The following CNTN5 variants were observed in gnomAD, a reference collection of about 807,000 sequenced individuals.
CNTN5 encodes the protein contactin-5.
Under a neutral mutation model 129.1 loss-of-function variants are expected in CNTN5, and 77 were observed. The ratio of observed to expected loss-of-function variants is 0.60; its 90% CI spans 0.50 to 0.72. CNTN5 has a LOEUF of 0.72. CNTN5 is among the 30% of genes least tolerant of loss of function. CNTN5 has a pLI of 0.00. For synonymous variants in CNTN5, 509 were observed against 465.6 expected, an observed-to-expected ratio of 1.09 and a Z score of -1.20; for missense variants, 1,478 against 1,328.8, an observed-to-expected ratio of 1.11 and a Z score of -1.75.
At chr11:100,333,718 AATTGGCTAGCCAC>A (rs1484104266) in intron 21 of CNTN5, among the ~76,000 whole-genome samples, 1 of 152,196 alleles carries the variant, frequency 6.6e-6, no homozygotes, top group Non-Finnish European at 1.5e-5. Context: ...GTGCTGGGAT[AATTGGCTAGCCAC>A]ATGTTGAAAA....
At chr11:99,958,501 G>A (rs1950859894) in intron 8 of CNTN5, among the ~76,000 whole-genome samples, 1 of 152,124 alleles carries the variant, frequency 6.6e-6, no homozygotes, top group Non-Finnish European at 1.5e-5. Flanking sequence ...TGTGAAAATT[G>A]GGAATAGGTA....
At chr11:100,250,029 C>T (rs531925745) in intron 16 of CNTN5, among the ~76,000 whole-genome samples, 6 of 152,090 alleles carry the variant, frequency 3.9e-5, no homozygotes, top group East Asian at 1.9e-4. Context: ...AATATCTGTA[C>T]GTTAATATGT....
At chr11:99,651,174 C>A (rs1174667648) in intron 3 of CNTN5, among the ~76,000 whole-genome samples, 2 of 151,848 alleles carry the variant, frequency 1.3e-5, no homozygotes, top group Non-Finnish European at 2.9e-5. Flanking sequence ...TATATCACAG[C>A]TCATGTAGCC....
chr11:99,332,178 AT>A (rs1241822549), intron 2 of CNTN5, among the ~76,000 whole-genome samples: 1 of 152,204 alleles, frequency 6.6e-6, no homozygotes, highest in East Asian at 1.9e-4. Context: ...CCAAATATGC[AT>A]TTTACTTTCC....
rs151296208 is a variant in CNTN5, at chr11:99,938,714, A to G, written c.674-18092A>G. Among the ~76,000 whole-genome samples the G allele has an allele frequency of 3.1e-3, 474 of 152,212 alleles. 1 individual carries two copies. Among genetic ancestry groups the G allele is most frequent in the Non-Finnish European group, 6.0e-3 (409 of 67,960 alleles). ...AATTTAGTAAATGCTTGCTTGCTAG[A>G]CACCAAGCCGCAATCTACATACTTT... On this transcript the variant is annotated intron_variant, in intron 7 of 24. Transcript: ENST00000524871.
At chr11:100,309,587 C>A in intron 21 of CNTN5, 3 of 982,980 alleles carry the variant, frequency 3.1e-6, no homozygotes. Flanking sequence ...ATGAATATTT[C>A]TGTTTCTCCC....
chr11:99,037,487 C>A (rs1863794770), intron 1 of CNTN5, among the ~76,000 whole-genome samples: 1 of 151,668 alleles, frequency 6.6e-6, no homozygotes, highest in Non-Finnish European at 1.5e-5. Flanking sequence ...CAAAACCTAT[C>A]ATTAGTTGTC....
chr11:100,208,828 G>T (rs1474169224), intron 15 of CNTN5, among the ~76,000 whole-genome samples: 1 of 152,124 alleles, frequency 6.6e-6, no homozygotes, highest in Non-Finnish European at 1.5e-5. Flanking sequence ...GCTTGATCTG[G>T]ACTCAGTTGA....
At chr11:99,524,262 C>G (rs1255498357) in intron 2 of CNTN5, among the ~76,000 whole-genome samples, 1 of 152,002 alleles carries the variant, frequency 6.6e-6, no homozygotes, top group Non-Finnish European at 1.5e-5. Context: ...CCTGACTAAG[C>G]TGTTAAAATT....
chr11:99,358,248 C>T (rs1318362508), intron 2 of CNTN5, among the ~76,000 whole-genome samples: 1 of 21,276 alleles, frequency 4.7e-5, no homozygotes, highest in African/African-American at 1.5e-4. Flanking sequence ...GCCACCACGC[C>T]CTGCTGATTT....
intron 3 of CNTN5, among the ~76,000 whole-genome samples, chr11:99,747,705 C>A (rs1944100688): frequency 6.6e-6 from 1 of 152,090 alleles, no homozygotes; most frequent in Non-Finnish European, 1.5e-5. Flanking sequence ...ATCTCCTGAC[C>A]TTGTGATCCA....
At chr11:99,757,821 T>C (rs1944451978) in intron 3 of CNTN5, among the ~76,000 whole-genome samples, 1 of 152,082 alleles carries the variant, frequency 6.6e-6, no homozygotes, top group Non-Finnish European at 1.5e-5. Context: ...AGTTCCTTTA[T>C]ATATAAAAGT....
chr11:99,489,036 CA>C (rs1304802779), intron 2 of CNTN5, among the ~76,000 whole-genome samples: 4 of 144,452 alleles, frequency 2.8e-5, no homozygotes, highest in African/African-American at 9.9e-5. Flanking sequence ...TATGATTTGC[CA>C]AGGATAAAAA....
At chr11:99,992,291 C>G (rs540291224) in intron 8 of CNTN5, among the ~76,000 whole-genome samples, 23 of 152,276 alleles carry the variant, frequency 1.5e-4, no homozygotes, top group African/African-American at 4.8e-4. Context: ...CCTATCAGAA[C>G]AAGACCTTCA....
At chr11:99,064,085 A>T (rs898400319) in intron 1 of CNTN5, among the ~76,000 whole-genome samples, 2 of 152,122 alleles carry the variant, frequency 1.3e-5, no homozygotes, top group African/African-American at 2.4e-5. Context: ...CACAACCTAG[A>T]TTATCATCAA....
At chr11:100,246,015 T>C (rs1001313023) in intron 16 of CNTN5, among the ~76,000 whole-genome samples, 1 of 152,110 alleles carries the variant, frequency 6.6e-6, no homozygotes. Context: ...CCCCAGATGG[T>C]AGAGATTATT....
At chr11:99,920,874 A>G (rs11221907) in intron 7 of CNTN5, among the ~76,000 whole-genome samples, 37,557 of 152,068 alleles carry the variant, frequency 0.25, 5,446 homozygotes, top group Non-Finnish European at 0.32. Flanking sequence ...GGATATAAAC[A>G]TTCAGACCAT....
rs1371277170 is a variant in CNTN5, at chr11:99,430,098, G to C, written c.-71+104614G>C. On this transcript the variant is annotated intron_variant, in intron 2 of 24. Coordinates refer to ENST00000524871, the MANE Select transcript of CNTN5 (RefSeq NM_014361.4). ...GAAGACCTCAAAAGAGGGGTGTGTG[G>C]CACCTTTATGCTGTGACTTTTAAGG... Among the ~76,000 whole-genome samples the C allele has an allele frequency of 3.3e-5, 5 of 152,044 alleles. No individual in the cohort carries two copies. The East Asian group carries it at 7.7e-4, about 23-fold the overall frequency.
At position 100,340,669 on chromosome 11, in the gene CNTN5, T is replaced by C. The variant is rs776158325; in HGVS notation, c.2917+20T>C. On this transcript the variant is annotated intron_variant, in intron 22 of 24. Coordinates refer to ENST00000524871, the MANE Select transcript of CNTN5 (RefSeq NM_014361.4). ...AATCCCGTAAGTGACCTGGGCTTTT[T>C]GTTTGTTTCAGACAAAGGGGAAACA... is the stretch of plus-strand genomic sequence containing the variant. 6.4e-7 allele frequency: 1 copy of C among 1,573,430 alleles called. No homozygotes were observed. Among genetic ancestry groups the C allele is most frequent in the Non-Finnish European group, 8.6e-7 (1 of 1,162,728 alleles).
Sources: allele counts gnomAD v4.1 joint callset (sites outside exome capture counted in the v4.1 genomes callset), GRCh38; gene constraint gnomAD v4.1.1; transcripts MANE v1.5; gene names NCBI Gene and HGNC (gene_info 2026-07-23, HGNC 2026-07-21).